Variants in FOXJ3 observed in about 807,000 individuals in gnomAD.
The protein encoded by FOXJ3 is forkhead box J3, also known as forkhead box protein J3.
FOXJ3 carries 22 observed loss-of-function variants against 76.1 expected under a neutral mutation model. The observed-to-expected ratio is 0.29, with a 90% CI of 0.21 to 0.41. The LOEUF (loss-of-function observed/expected upper bound fraction) is 0.41, where lower values mean the gene tolerates loss of function less well. Among genes scored for constraint, FOXJ3 ranks in the 10% least tolerant of loss-of-function variants. The probability of loss-of-function intolerance (pLI) is 1.00; values close to 1 mark genes in which losing one functional copy is unlikely to be tolerated. For synonymous variants in FOXJ3, 269 were observed against 261.2 expected (o/e 1.03, Z -0.29); for missense variants, 613 against 762.1 (o/e 0.80, Z 2.30).
At position 42,325,013 on chromosome 1, in the gene FOXJ3, G is replaced by GTA. The variant is rs1266000822; in HGVS notation, c.-18+10044_-18+10045dup. On this transcript the variant is annotated intron_variant, in intron 1 of 12. Coordinates refer to ENST00000361346, the MANE Select transcript of FOXJ3 (RefSeq NM_014947.5). ...ATTATAACCTTATGGGACCACCACT[G>GTA]TATATATATGCCCCACAGTTGACCA... Among the ~76,000 whole-genome samples, 7 of 152,138 alleles carry GTA rather than the reference G, an allele frequency of 4.6e-5. No individual in the cohort carries two copies. In the East Asian group the frequency reaches 9.7e-4, roughly 21 times the overall value.
intron 5 of FOXJ3, among the ~76,000 whole-genome samples, chr1:42,214,829 A>G (rs1388939222): frequency 2.6e-5 from 4 of 152,248 alleles, no homozygotes; most frequent in Non-Finnish European, 5.9e-5. Context: ...GAAAGTTGAA[A>G]GACATAATAC....
At chr1:42,324,836 G>A (rs961008868) in intron 1 of FOXJ3, among the ~76,000 whole-genome samples, 1 of 152,206 alleles carries the variant, frequency 6.6e-6, no homozygotes, top group Admixed American at 6.5e-5. Context: ...GAGTGAGTGA[G>A]TGATGAGTGA....
At chr1:42,315,756 C>T (rs1451186234) in intron 1 of FOXJ3, among the ~76,000 whole-genome samples, 1 of 152,212 alleles carries the variant, frequency 6.6e-6, no homozygotes, top group Non-Finnish European at 1.5e-5. Context: ...AAGTCACAAA[C>T]AAATCTCTGT....
At position 42,177,991 on chromosome 1, in the gene FOXJ3, T is replaced by C. The variant is rs1042180113; in HGVS notation, c.*1719A>G. ...ATTAGAACTGACACTTTTTGGGGGG[T>C]CTAAAGAATCAATTCAAAATCTATT... On this transcript the variant is annotated 3_prime_UTR_variant, in exon 13 of 13. Coordinates refer to ENST00000361346, the MANE Select transcript of FOXJ3 (RefSeq NM_014947.5). The C allele has an allele frequency of 6.6e-6, 1 of 152,066 alleles. No homozygotes were observed. The highest frequency in any genetic ancestry group is 2.4e-5 in the African/African-American group (1 of 41,218). 9.4% of individuals were successfully genotyped at this position (152,066 alleles called of 1,614,324 possible).
At chr1:42,215,895 C>T (rs956968587) in intron 5 of FOXJ3, among the ~76,000 whole-genome samples, 1 of 152,088 alleles carries the variant, frequency 6.6e-6, no homozygotes, top group Non-Finnish European at 1.5e-5. Context: ...TGGTGGCTCA[C>T]ATACCTAGCA....
chr1:42,200,625 C>A (rs1006466487), intron 6 of FOXJ3, among the ~76,000 whole-genome samples: 2 of 152,044 alleles, frequency 1.3e-5, no homozygotes, highest in Non-Finnish European at 2.9e-5. Flanking sequence ...ATTACAGATG[C>A]GCGCCACCAT....
chr1:42,266,486 C>T (rs1264443116), intron 3 of FOXJ3, among the ~76,000 whole-genome samples: 1 of 152,096 alleles, frequency 6.6e-6, no homozygotes, highest in Non-Finnish European at 1.5e-5. Flanking sequence ...AACTAAATCA[C>T]CTTTGGCAGA....
intron 3 of FOXJ3, among the ~76,000 whole-genome samples, chr1:42,275,867 A>G (rs1298088304): frequency 6.6e-6 from 1 of 152,176 alleles, no homozygotes; most frequent in East Asian, 1.9e-4. Context: ...CCAGCCTGTA[A>G]GAGCTCCCAG....
chr1:42,196,383 C>T (rs1646651585), intron 7 of FOXJ3, among the ~76,000 whole-genome samples: 1 of 152,194 alleles, frequency 6.6e-6, no homozygotes, highest in African/African-American at 2.4e-5. Flanking sequence ...GACCATTTGA[C>T]ACCTTGTTGT....
chr1:42,226,106 T>A (rs1160759147), intron 5 of FOXJ3, among the ~76,000 whole-genome samples: 1 of 152,154 alleles, frequency 6.6e-6, no homozygotes. Context: ...TTTCTCCCCT[T>A]CCTTCAAATT....
At chr1:42,205,895 A>G (rs1420167687) in intron 5 of FOXJ3, 32 bp from the exon 6 acceptor site, 2 of 1,278,350 alleles carry the variant, frequency 1.6e-6, no homozygotes, top group Non-Finnish European at 2.3e-6. Flanking sequence ...AATAATTATT[A>G]GCTCATATAT....
intron 2 of FOXJ3, among the ~76,000 whole-genome samples, chr1:42,291,248 C>G (rs1017039304): frequency 2.0e-5 from 3 of 152,116 alleles, no homozygotes; most frequent in South Asian, 4.1e-4. Flanking sequence ...ACATAAAAAT[C>G]TGAAAAATGA....
chr1:42,247,549 T>C (rs1253987568), intron 4 of FOXJ3, among the ~76,000 whole-genome samples: 1 of 152,156 alleles, frequency 6.6e-6, no homozygotes, highest in Non-Finnish European at 1.5e-5. Context: ...TCAATTGCCA[T>C]TAATCCAATG....
chr1:42,225,168 T>G (rs961607580), intron 5 of FOXJ3, among the ~76,000 whole-genome samples: 1 of 152,216 alleles, frequency 6.6e-6, no homozygotes, highest in African/African-American at 2.4e-5. Context: ...TTTTTATTTT[T>G]TTCACACAGA....
chr1:42,205,651 A>T, intron 6 of FOXJ3, 111 bp downstream of exon 6: 1 of 690,324 alleles, frequency 1.4e-6, no homozygotes, highest in Non-Finnish European at 2.5e-6. Context: ...TAGGGTAGAC[A>T]AATTTATATA....
At chr1:42,182,978 A>ACCCCC in intron 11 of FOXJ3, among the ~76,000 whole-genome samples, 1 of 151,058 alleles carries the variant, frequency 6.6e-6, no homozygotes, top group African/African-American at 2.5e-5. Context: ...AATGATGATT[A>ACCCCC]AAAACATTAT....
chr1:42,324,851 G>A (rs1321412436), intron 1 of FOXJ3, among the ~76,000 whole-genome samples: 1 of 152,176 alleles, frequency 6.6e-6, no homozygotes, highest in Non-Finnish European at 1.5e-5. Context: ...GAGTGACTGT[G>A]AAGGCCTGGG....
chr1:42,282,578 A>C (rs1000715531), intron 2 of FOXJ3, among the ~76,000 whole-genome samples: 20 of 152,182 alleles, frequency 1.3e-4, no homozygotes, highest in African/African-American at 4.8e-4. Context: ...ACCACTGAGG[A>C]CAGTGACCAT....
At chr1:42,283,867 G>A (rs867290686) in intron 2 of FOXJ3, among the ~76,000 whole-genome samples, 1 of 152,074 alleles carries the variant, frequency 6.6e-6, no homozygotes. Context: ...TTTTACCTTA[G>A]GAATAAATCC....
Sources: allele counts gnomAD v4.1 joint callset (sites outside exome capture counted in the v4.1 genomes callset), GRCh38; gene constraint gnomAD v4.1.1; transcripts MANE v1.5; gene names NCBI Gene and HGNC (gene_info 2026-07-23, HGNC 2026-07-21).